The following TDRD6 variants were observed in gnomAD, a reference collection of about 807,000 sequenced individuals.
The protein encoded by TDRD6 is tudor domain containing 6, also known as tudor domain-containing protein 6.
TDRD6 carries 186 observed loss-of-function variants against 157.5 expected under a neutral mutation model. That is an observed-to-expected ratio of 1.18 (90% CI 1.05 to 1.33). The LOEUF (loss-of-function observed/expected upper bound fraction) is 1.33. TDRD6 is among the 40% of genes most tolerant of loss of function. TDRD6 has a pLI of 0.00. For missense variants in TDRD6, 3,066 were observed against 2,508.0 expected (o/e 1.22, Z -4.75); for synonymous variants, 1,075 against 945.2 (o/e 1.14, Z -2.52).
the TDRD6 span, among the ~76,000 whole-genome samples, chr6:46,680,386 T>C: frequency 6.6e-6 from 1 of 152,048 alleles, no homozygotes; most frequent in South Asian, 2.1e-4. Context: ...AACCTGTGTA[T>C]ACCTAAAGGG....
Position 46,698,005 on chromosome 6 carries a change from A to G in TDRD6, c.6179A>G (p.Asn2060Ser). The G allele has an allele frequency of 3.1e-6, 5 of 1,592,318 alleles. No individual in the cohort carries two copies. Among genetic ancestry groups the G allele is most frequent in the Non-Finnish European group, 4.3e-6 (5 of 1,167,596 alleles). Residue 2060 changes from asparagine to serine, a missense_variant, in exon 3 of 4, where the codon AAC (asparagine) becomes AGC (serine). Physicochemically the swap from Asn to Ser is conservative, Grantham distance 46. Coordinates refer to ENST00000316081, the MANE Select transcript of TDRD6 (RefSeq NM_001010870.3). ...ETAEEGTRVL[N>S]LSNGMEEIVN... Reference sequence around the variant, plus strand: ...ATTTGTTTTCTCCTGTAGGTTTTGAACCTTTCAAATGGTATGGAGGAGATA... The same window carrying G: ...ATTTGTTTTCTCCTGTAGGTTTTGAGCCTTTCAAATGGTATGGAGGAGATA...
chr6:46,687,772 C>T (rs568108456), upstream of TDRD6: 87 of 228,412 alleles, frequency 3.8e-4, no homozygotes, highest in African/African-American at 2.0e-3. Context: ...TCGGGGTCTC[C>T]TGAACGTCCC....
intron 3 of TDRD6, among the ~76,000 whole-genome samples, chr6:46,698,702 CTGTT>C: frequency 6.6e-6 from 1 of 152,144 alleles, no homozygotes; most frequent in Non-Finnish European, 1.5e-5. Flanking sequence ...GGGTTTGTAG[CTGTT>C]GATTTTCTTT....
At chr6:46,699,305 C>A (rs1308256573) in intron 3 of TDRD6, among the ~76,000 whole-genome samples, 1 of 152,084 alleles carries the variant, frequency 6.6e-6, no homozygotes, top group Non-Finnish European at 1.5e-5. Flanking sequence ...AAAGAGATAA[C>A]AAAAACAATC....
In TDRD6 at chr6:46,688,629, C is replaced by T; in HGVS notation, c.501C>T (p.His167=). 6.3e-7 allele frequency: 1 copy of T among 1,599,198 alleles called. No individual in the cohort carries two copies. The highest frequency in any genetic ancestry group is 8.5e-7 in the Non-Finnish European group (1 of 1,179,860). ...GCAACCTTCAGGGCAAGGAGGTGCA[C>T]GGGTGCGTCCTGGACGTGCTGCTGC... is the stretch of plus-strand genomic sequence containing the variant. The part of the protein sequence containing the change: ...FLSNLQGKEV[H]GCVLDVLLLH... The change falls in exon 1 of 4, where the codon CAC becomes CAT. Residue 167 remains histidine, a synonymous_variant. Coordinates refer to ENST00000316081, the MANE Select transcript of TDRD6 (RefSeq NM_001010870.3).
chr6:46,692,604 T>G lies in TDRD6; in HGVS notation c.4476T>G (p.Ile1492Met), dbSNP rs760621065. The change falls in exon 1 of 4, where the codon ATT becomes ATG. Residue 1492 changes from isoleucine (I) to methionine (M), a missense_variant. Coordinates refer to ENST00000316081, the MANE Select transcript of TDRD6 (RefSeq NM_001010870.3). ...AAGTAGAACTTTCTACCCAAGTAAT[T>G]AAAAGTGCCAGTTCAAAGTCTGTTA... ...KSQVELSTQV[I>M]KSASSKSVNK... 1 of 1,613,604 alleles carries G rather than the reference T, an allele frequency of 6.2e-7. No individual in the cohort carries two copies. Among genetic ancestry groups the G allele is most frequent in the Non-Finnish European group, 8.5e-7 (1 of 1,179,806 alleles).
intron 2 of TDRD6, among the ~76,000 whole-genome samples, chr6:46,696,681 G>C (rs1764512684): frequency 8.0e-6 from 1 of 124,324 alleles, no homozygotes; most frequent in South Asian, 3.0e-4. Context: ...GCGCCATCTT[G>C]GCTCACTGCA....
At position 46,701,871 on chromosome 6, in the gene TDRD6, A is replaced by G; in HGVS notation, c.6275A>G (p.Glu2092Gly). 1 of 1,612,624 alleles carries G rather than the reference A, an allele frequency of 6.2e-7. No individual in the cohort carries two copies. The highest frequency in any genetic ancestry group is 8.5e-7 in the Non-Finnish European group (1 of 1,178,944). Reference protein sequence around the residue: ...DKSPPEKRGLEVMEI With the variant: ...DKSPPEKRGLGVMEI The stretch of plus-strand genomic sequence containing the variant: ...TTTTTGTTTCAGAAAAGGGGTTTGG[A>G]GGTGATGGAGATTTAACCGTGGATC... Residue 2092 changes from glutamate (E) to glycine (G), a missense_variant, in exon 4 of 4, where the codon GAG becomes GGG. Glu to Gly is a moderately conservative substitution (Grantham distance 98). Coordinates refer to ENST00000316081, the MANE Select transcript of TDRD6 (RefSeq NM_001010870.3).
rs775248671 is a variant in TDRD6, at chr6:46,688,273, GA to G, written c.148del (p.Ile50SerfsTer82). The G allele has an allele frequency of 6.7e-7, 1 of 1,503,540 alleles. No homozygotes were observed. The highest frequency in any genetic ancestry group is 1.4e-5 in the African/African-American group (1 of 69,732). The allele number at this position is 1,503,540 out of a possible 1,614,324, so 93.1% of individuals were successfully genotyped here. A position where few individuals can be genotyped will look rare whatever the true frequency, so the allele number is the denominator to read the frequency against. On this transcript the variant is annotated frameshift_variant, in exon 1 of 4. Coordinates refer to ENST00000316081, the MANE Select transcript of TDRD6 (RefSeq NM_001010870.3). LOFTEE classifies it high-confidence loss of function. ...RRGEYLRLSR[E>X]IQEAAATRGQ... ...GGGCGAGTACCTGCGGCTGAGCCGG[GA>G]AATCCAGGAAGCGGCGGCCACGCGC...
At position 46,691,821 on chromosome 6, in the gene TDRD6, A is replaced by G; in HGVS notation, c.3693A>G (p.Thr1231=). The G allele has an allele frequency of 1.2e-6, 2 of 1,603,398 alleles. No homozygotes were observed. The highest frequency in any genetic ancestry group is 1.1e-5 in the South Asian group (1 of 89,028). The change falls in exon 1 of 4, where the codon ACA becomes ACG. Residue 1231 remains threonine, a synonymous_variant. Transcript: ENST00000316081. ...YKELKLLQSL[T]KTNLVTQYQD... ...AACTCAAACTTTTACAAAGTTTAACAAAAACAAACTTAGTCACTCAATATC... is the reference window on the plus strand; with the variant it reads ...AACTCAAACTTTTACAAAGTTTAACGAAAACAAACTTAGTCACTCAATATC...
chr6:46,689,510 A>C lies in TDRD6; in HGVS notation c.1382A>C (p.Gln461Pro), dbSNP rs1291798028. The stretch of plus-strand genomic sequence containing the variant: ...GAGGAGGAGGAACCAGAAACATCTC[A>C]GTCTCAGTCTCCTGCTGAAGAAGTA... Reference protein sequence around the residue: ...ATEEEEPETSQSQSPAEEVDE... With the variant: ...ATEEEEPETSPSQSPAEEVDE... Residue 461 changes from glutamine to proline, a missense_variant, in exon 1 of 4, where the codon CAG becomes CCG. By Grantham distance (76) the Gln-to-Pro change is moderately conservative. Transcript: ENST00000316081. 5 of 1,613,718 alleles carry C rather than the reference A, an allele frequency of 3.1e-6. No homozygotes were observed. The highest frequency in any genetic ancestry group is 1.3e-5 in the African/African-American group (1 of 74,926).
In TDRD6 at chr6:46,690,180, A is replaced by G. The variant is rs537390407; in HGVS notation, c.2052A>G (p.Pro684=). ...KENILVNAHS[P]GHVSNHFTTE... is the part of the protein sequence containing the mutation. ...ATATCCTGGTAAATGCCCACTCCCC[A>G]GGGCATGTTTCAAACCACTTTACTA... The change falls in exon 1 of 4, where the codon CCA becomes CCG. Residue 684 remains proline (P), a synonymous_variant. Coordinates refer to ENST00000316081, the MANE Select transcript of TDRD6 (RefSeq NM_001010870.3). The G allele has an allele frequency of 3.1e-6, 5 of 1,613,858 alleles. No homozygotes were observed. In the African/African-American group the frequency reaches 4.0e-5, roughly 13 times the overall value.
intron 2 of TDRD6, among the ~76,000 whole-genome samples, chr6:46,696,754 G>A (rs1343990823): frequency 6.7e-6 from 1 of 149,340 alleles, no homozygotes; most frequent in East Asian, 2.0e-4. Flanking sequence ...TGGGACTACA[G>A]GCGCCCACCA....
Position 46,702,746 on chromosome 6 carries a change from C to G in TDRD6, c.*859C>G, listed in dbSNP as rs1365014120. On this transcript the variant is annotated 3_prime_UTR_variant, in exon 4 of 4. Coordinates refer to ENST00000316081, the MANE Select transcript of TDRD6 (RefSeq NM_001010870.3). ...ACCTACCTAACTTTGAAGCCCATGA[C>G]TTTTTAAACATGATTTTGCAAAGCA... 1 of 152,088 alleles carries G rather than the reference C, an allele frequency of 6.6e-6. No homozygotes were observed. Among genetic ancestry groups the G allele is most frequent in the Non-Finnish European group, 1.5e-5 (1 of 67,974 alleles). The allele number at this position is 152,088 out of a possible 1,614,324, so 9.4% of individuals were successfully genotyped here.
Position 46,688,644 on chromosome 6 carries a change from C to T in TDRD6, c.516C>T (p.Asp172=), listed in dbSNP as rs1352679569. The T allele has an allele frequency of 2.5e-6, 4 of 1,599,238 alleles. No homozygotes were observed. The highest frequency in any genetic ancestry group is 1.7e-5 in the Admixed American group (1 of 60,006). ...QGKEVHGCVL[D]VLLLHRLVLL... ...AGGAGGTGCACGGGTGCGTCCTGGACGTGCTGCTGCTCCATCGCCTGGTCC... is the reference window on the plus strand; with the variant it reads ...AGGAGGTGCACGGGTGCGTCCTGGATGTGCTGCTGCTCCATCGCCTGGTCC... Residue 172 remains aspartate, a synonymous_variant, in exon 1 of 4, where the codon GAC becomes GAT. Transcript: ENST00000316081.
At chr6:46,696,819 G>A (rs537954574) in intron 2 of TDRD6, among the ~76,000 whole-genome samples, 2 of 150,700 alleles carry the variant, frequency 1.3e-5, no homozygotes, top group African/African-American at 2.4e-5. Context: ...CACCTTGTTA[G>A]CGAGGATGGT....
At chr6:46,695,703 T>TA in intron 1 of TDRD6, 118 bp from the exon 2 acceptor site, 1 of 994,204 alleles carries the variant, frequency 1.0e-6, no homozygotes, top group Non-Finnish European at 1.4e-6. Context: ...ACCAATGTAC[T>TA]AATTACATGA....
chr6:46,691,086 T>C lies in TDRD6; in HGVS notation c.2958T>C (p.Ser986=). The C allele has an allele frequency of 1.9e-6, 3 of 1,613,846 alleles. No homozygotes were observed. Among genetic ancestry groups the C allele is most frequent in the Non-Finnish European group, 2.5e-6 (3 of 1,179,876 alleles). The change falls in exon 1 of 4, where the codon AGT becomes AGC. Residue 986 remains serine, a synonymous_variant. Coordinates refer to ENST00000316081, the MANE Select transcript of TDRD6 (RefSeq NM_001010870.3). ...FYSTHDMKIG[S]EELVYITHID... is the part of the protein sequence containing the mutation. ...CTACACATGATATGAAAATTGGAAG[T>C]GAAGAATTAGTTTATATAACGCATA...
intron 3 of TDRD6, among the ~76,000 whole-genome samples, chr6:46,700,769 A>G (rs915423750): frequency 1.3e-5 from 2 of 152,108 alleles, no homozygotes; most frequent in Non-Finnish European, 2.9e-5. Flanking sequence ...AGGGTACTTT[A>G]CTCCCTGTGT....
Sources: allele counts gnomAD v4.1 joint callset (sites outside exome capture counted in the v4.1 genomes callset), GRCh38; gene constraint gnomAD v4.1.1; transcripts MANE v1.5; gene names NCBI Gene and HGNC (gene_info 2026-07-23, HGNC 2026-07-21).